FYB2: variants seen among roughly 807,000 people sequenced by gnomAD.
FYB2 encodes the protein FYN binding protein 2, also known as FYN-binding protein 2.
FYB2 carries 103 observed loss-of-function variants against 94.1 expected under a neutral mutation model. The ratio of observed to expected loss-of-function variants is 1.09; its 90% CI spans 0.93 to 1.29. FYB2 has a LOEUF of 1.29. Among genes scored for constraint, FYB2 ranks in the 50% most tolerant of loss-of-function variants. The pLI is 0.00. For synonymous variants in FYB2, 293 were observed against 287.9 expected (o/e 1.02, Z -0.18); for missense variants, 896 against 841.5 (o/e 1.06, Z -0.80).
At position 56,742,176 on chromosome 1, in the gene FYB2, T is replaced by C; in HGVS notation, c.1589A>G (p.Asn530Ser). 6.2e-7 allele frequency: 1 copy of C among 1,605,964 alleles called. No individual in the cohort carries two copies. The highest frequency in any genetic ancestry group is 8.5e-7 in the Non-Finnish European group (1 of 1,173,924). The change falls in exon 12 of 20, where the codon AAC becomes AGC. Residue 530 changes from asparagine to serine, a missense_variant. Transcript: ENST00000343433. ...LYEDVYKTKNNYPKIDLDGKE... is the reference protein window; with the variant it reads ...LYEDVYKTKNSYPKIDLDGKE... The stretch of plus-strand genomic sequence containing the variant: ...AGAAACTCACTCTATCTTTGGGTAG[T>C]TGTTCTTTGTTTTGTAGACATCTTC...
intron 6 of FYB2, among the ~76,000 whole-genome samples, chr1:56,757,250 T>A (rs1183021037): frequency 6.6e-6 from 1 of 152,162 alleles, no homozygotes; most frequent in Non-Finnish European, 1.5e-5. Context: ...CATGAAGCAT[T>A]TTAATAGGCT....
intron 19 of FYB2, 47 bp from the exon 20 acceptor site, chr1:56,719,739 G>C (rs781365179): frequency 1.4e-6 from 2 of 1,454,620 alleles, no homozygotes; most frequent in South Asian, 2.5e-5. Context: ...ATAGGACAAT[G>C]AAACAGTTGA....
At chr1:56,719,926 T>C in intron 19 of FYB2, 96 bp downstream of exon 19, 1 of 1,313,254 alleles carries the variant, frequency 7.6e-7, no homozygotes, top group Non-Finnish European at 1.0e-6. Flanking sequence ...AAACTTATCC[T>C]GAATTTCAAT....
At position 56,792,361 on chromosome 1, in the gene FYB2, C is replaced by G; in HGVS notation, c.452G>C (p.Ser151Thr). The G allele has an allele frequency of 6.2e-7, 1 of 1,614,132 alleles. No homozygotes were observed. ...WNWEKVSSQK[S>T]EMSSALLLAN... ...AAGGAGAAGGGCTGAAGACATTTCA[C>G]TTTTCTGAGATGAAACCTTCTCCCA... The change falls in exon 2 of 20, where the codon AGT becomes ACT. Residue 151 changes from serine (S) to threonine (T), a missense_variant. By Grantham distance (58) the Ser-to-Thr change is moderately conservative. Coordinates refer to ENST00000343433, the MANE Select transcript of FYB2 (RefSeq NM_001004303.5).
intron 12 of FYB2, among the ~76,000 whole-genome samples, chr1:56,741,507 G>A (rs1644952037): frequency 6.6e-6 from 1 of 151,794 alleles, no homozygotes; most frequent in Admixed American, 6.6e-5. Flanking sequence ...ATCCTTTTGG[G>A]GCCTTTAGGG....
the FYB2 span, chr1:56,825,057 A>T: frequency 2.0e-5 from 3 of 152,368 alleles, no homozygotes; most frequent in South Asian, 4.1e-4. Context: ...GCCACAGGGG[A>T]ACAATCTGCA....
At chr1:56,809,031 C>A (rs2101067517) in intron 1 of FYB2, among the ~76,000 whole-genome samples, 1 of 152,282 alleles carries the variant, frequency 6.6e-6, no homozygotes, top group Middle Eastern at 3.4e-3. Flanking sequence ...ATATAGCATA[C>A]AATAGTTCTA....
At chr1:56,736,648 T>A (rs1189180705) in intron 15 of FYB2, among the ~76,000 whole-genome samples, 2 of 152,032 alleles carry the variant, frequency 1.3e-5, no homozygotes, top group Non-Finnish European at 2.9e-5. Context: ...ACTCCTAGAC[T>A]CAGGCAATCC....
chr1:56,755,752 T>C, intron 7 of FYB2, 144 bp downstream of exon 7: 5 of 756,656 alleles, frequency 6.6e-6, no homozygotes, highest in Non-Finnish European at 1.1e-5. Flanking sequence ...ACTTCCTCTG[T>C]ACTAGGCACC....
At chr1:56,815,974 G>A (rs1646873624) in intron 1 of FYB2, among the ~76,000 whole-genome samples, 1 of 152,120 alleles carries the variant, frequency 6.6e-6, no homozygotes, top group Admixed American at 6.5e-5. Context: ...ACCTTTTTGG[G>A]TGTCTAAACT....
chr1:56,809,096 C>G (rs1019915229), intron 1 of FYB2, among the ~76,000 whole-genome samples: 1 of 152,312 alleles, frequency 6.6e-6, no homozygotes, highest in East Asian at 1.9e-4. Flanking sequence ...ACCATGTGAA[C>G]AGCACCTATT....
chr1:56,779,386 G>T (rs930735052), intron 4 of FYB2, among the ~76,000 whole-genome samples: 5 of 152,130 alleles, frequency 3.3e-5, no homozygotes, highest in Admixed American at 2.0e-4. Flanking sequence ...TCTTGGTAGG[G>T]TGTCACTTGG....
chr1:56,733,541 A>G (rs903652503), intron 15 of FYB2, among the ~76,000 whole-genome samples: 1 of 151,906 alleles, frequency 6.6e-6, no homozygotes, highest in African/African-American at 2.4e-5. Flanking sequence ...TCGATTTTAG[A>G]TCTTTCCTTC....
intron 1 of FYB2, among the ~76,000 whole-genome samples, chr1:56,796,379 T>C (rs538820426): frequency 6.6e-6 from 1 of 152,194 alleles, no homozygotes; most frequent in East Asian, 1.9e-4. Context: ...ATTTTTCAGC[T>C]GCCGCAGCTA....
At chr1:56,757,690 C>CTTTT (rs1557616908) in intron 6 of FYB2, among the ~76,000 whole-genome samples, 1 of 53,854 alleles carries the variant, frequency 1.9e-5, no homozygotes. Context: ...TTCCTTCCTT[C>CTTTT]TTTCTTTCTT....
rs371592448 is a variant in FYB2 at position 56,740,677 on chromosome 1, G to A, written c.1703+20C>T. On this transcript the variant is annotated intron_variant, in intron 13 of 19. Transcript: ENST00000343433. ...CCAGGTTAATCCCCTCGTGGAAAGG[G>A]ATTTAAAGGGACTTTTTACCTTAAG... 8 of 1,457,314 alleles carry A rather than the reference G, an allele frequency of 5.5e-6. No individual in the cohort carries two copies. Among genetic ancestry groups the A allele is most frequent in the African/African-American group, 4.2e-5 (3 of 70,964 alleles). 90.3% of individuals were successfully genotyped at this position (1,457,314 alleles called of 1,614,324 possible).
At chr1:56,815,493 C>T (rs1314478252) in intron 1 of FYB2, among the ~76,000 whole-genome samples, 2 of 152,088 alleles carry the variant, frequency 1.3e-5, no homozygotes, top group Non-Finnish European at 2.9e-5. Flanking sequence ...TCAGAAATTC[C>T]AAGATAGGGC....
the FYB2 span, chr1:56,825,074 T>C: frequency 6.6e-6 from 1 of 152,238 alleles, no homozygotes; most frequent in African/African-American, 2.4e-5. Flanking sequence ...TGCATGCACA[T>C]CAGCCAGGCG....
intron 1 of FYB2, among the ~76,000 whole-genome samples, chr1:56,801,343 G>A (rs1038814830): frequency 6.6e-6 from 1 of 151,938 alleles, no homozygotes; most frequent in East Asian, 1.9e-4. Flanking sequence ...TCCTGCAAAG[G>A]GCATATCAAA....
Sources: gnomAD v4.1 joint callset for allele counts (sites outside exome capture counted in the v4.1 genomes callset) on GRCh38, gnomAD v4.1.1 for gene constraint, MANE v1.5 for transcripts, NCBI Gene and HGNC (gene_info 2026-07-23, HGNC 2026-07-21) for gene names.